Variants in SLIT3 observed in about 807,000 individuals in gnomAD.
The protein encoded by SLIT3 is slit guidance ligand 3, also known as slit homolog 3 protein.
Under a neutral mutation model 184.0 loss-of-function variants are expected in SLIT3, and 68 were observed. The ratio of observed to expected loss-of-function variants is 0.37; its 90% CI spans 0.30 to 0.45. The LOEUF (loss-of-function observed/expected upper bound fraction) is 0.45. SLIT3 is among the 20% of genes least tolerant of loss of function. The pLI is 1.00. For synonymous variants in SLIT3, 831 were observed against 828.6 expected (o/e 1.00, Z -0.05); for missense variants, 1,707 against 2,026.0 (o/e 0.84, Z 3.02).
chr5:169,039,317 GT>G (rs201685130), intron 4 of SLIT3, among the ~76,000 whole-genome samples: 3,996 of 131,742 alleles, frequency 0.03, 132 homozygotes, highest in African/African-American at 0.097. Flanking sequence ...TTTTTTTTGT[GT>G]TTTTTTTTTT....
intron 20 of SLIT3, among the ~76,000 whole-genome samples, chr5:168,727,378 A>G (rs1007217001): frequency 6.6e-6 from 1 of 152,172 alleles, no homozygotes; most frequent in Non-Finnish European, 1.5e-5. Flanking sequence ...ATATTTTCAG[A>G]TGAGGATTGG....
chr5:168,684,116 C>A lies in SLIT3; in HGVS notation c.3556-20G>T. 6.4e-7 allele frequency: 1 copy of A among 1,563,944 alleles called. No individual in the cohort carries two copies. Among genetic ancestry groups the A allele is most frequent in the African/African-American group, 1.4e-5 (1 of 73,354 alleles). On this transcript the variant is annotated intron_variant, in intron 31 of 35. Transcript: ENST00000519560. ...GGCCACCTGGAGAAAGCAGCCGGGGCGTGTTAGTAAGGGCTTACCTGAGAC... is the reference window on the plus strand; with the variant it reads ...GGCCACCTGGAGAAAGCAGCCGGGGAGTGTTAGTAAGGGCTTACCTGAGAC...
intron 4 of SLIT3, chr5:169,036,494 A>G (rs1327827661): frequency 6.6e-6 from 1 of 152,202 alleles, no homozygotes; most frequent in Non-Finnish European, 1.5e-5. Context: ...CTCAATATAA[A>G]GCAGTGGAAA....
At chr5:168,988,713 C>T (rs148229320) in intron 4 of SLIT3, among the ~76,000 whole-genome samples, 1 of 152,282 alleles carries the variant, frequency 6.6e-6, no homozygotes, top group Non-Finnish European at 1.5e-5. Flanking sequence ...TTAAATTTCA[C>T]CTGGATGGAA....
Position 169,200,268 on chromosome 5 carries a change from G to A in SLIT3, c.342-6718C>T, listed in dbSNP as rs1306903304. Among the ~76,000 whole-genome samples the A allele has an allele frequency of 2.0e-5, 3 of 152,330 alleles. No individual in the cohort carries two copies. In the East Asian group the frequency reaches 5.8e-4, roughly 29 times the overall value. ...GGCTGTCAGCTGCCCAATCAGGCCC[G>A]AGGGAGGAAGAAAGTCAAAGTGTGC... On this transcript the variant is annotated intron_variant, in intron 3 of 35. Coordinates refer to ENST00000519560, the MANE Select transcript of SLIT3 (RefSeq NM_003062.4).
chr5:169,196,307 G>A (rs914974921), intron 3 of SLIT3, among the ~76,000 whole-genome samples: 13 of 152,192 alleles, frequency 8.5e-5, no homozygotes, highest in Admixed American at 1.3e-4. Context: ...GGGATTCACC[G>A]GGGCTGGGCA....
intron 4 of SLIT3, among the ~76,000 whole-genome samples, chr5:169,062,106 C>T (rs1004956093): frequency 1.3e-5 from 2 of 152,132 alleles, no homozygotes; most frequent in Non-Finnish European, 2.9e-5. Context: ...ATGGTGTGAA[C>T]CCAGGAGGCA....
At chr5:168,907,898 A>T (rs145300404) in intron 4 of SLIT3, among the ~76,000 whole-genome samples, 2 of 41,114 alleles carry the variant, frequency 4.9e-5, no homozygotes, top group Admixed American at 2.4e-4. Flanking sequence ...TATATATCAT[A>T]TATATATAGA....
intron 20 of SLIT3, among the ~76,000 whole-genome samples, chr5:168,732,057 A>G (rs1763305198): frequency 6.6e-6 from 1 of 152,122 alleles, no homozygotes; most frequent in Admixed American, 6.5e-5. Context: ...TAAATACTTG[A>G]CCAAAAAACT....
chr5:168,973,026 T>C (rs191614795), intron 4 of SLIT3, among the ~76,000 whole-genome samples: 1 of 152,214 alleles, frequency 6.6e-6, no homozygotes, highest in South Asian at 2.1e-4. Context: ...TTTCCTTAGA[T>C]GACCTCTGAA....
chr5:168,806,330 T>C, intron 9 of SLIT3, 116 bp downstream of exon 9: 1 of 1,150,304 alleles, frequency 8.7e-7, no homozygotes, highest in Non-Finnish European at 1.3e-6. Flanking sequence ...TCCTGAGTGT[T>C]TTTAATGGTC....
chr5:169,033,739 C>T (rs7706724), intron 4 of SLIT3, among the ~76,000 whole-genome samples: 14,317 of 151,188 alleles, frequency 0.095, 1,076 homozygotes, highest in African/African-American at 0.21. Context: ...TGCATATTCT[C>T]TGTAGAAATG....
chr5:169,037,131 C>CA (rs1757283000), intron 4 of SLIT3, among the ~76,000 whole-genome samples: 3 of 106,532 alleles, frequency 2.8e-5, no homozygotes, highest in African/African-American at 1.4e-4. Context: ...TAGTCTCATT[C>CA]GTGCCTCTAA....
intron 4 of SLIT3, among the ~76,000 whole-genome samples, chr5:169,061,700 A>G (rs1269266770): frequency 6.6e-6 from 1 of 152,240 alleles, no homozygotes. Flanking sequence ...GCAAGGATGC[A>G]TGAGGGCCTG....
At chr5:168,724,591 T>C (rs1262641115) in intron 20 of SLIT3, 107 bp from the exon 21 acceptor site, 2 of 702,562 alleles carry the variant, frequency 2.8e-6, no homozygotes, top group East Asian at 2.7e-5. Flanking sequence ...GTCCCTCTTT[T>C]ACTCTTAGAG....
chr5:168,726,337 GTGGAGAGGGAGGCAGGGA>G (rs745328925), intron 20 of SLIT3, among the ~76,000 whole-genome samples: 21,938 of 127,726 alleles, frequency 0.17, 2,402 homozygotes, highest in East Asian at 0.4. Flanking sequence ...TCAAATATAG[GTGGAGAGGGAGGCAGGGA>G]GGGAGAGGGA....
chr5:168,953,023 A>G (rs976502868), intron 4 of SLIT3, among the ~76,000 whole-genome samples: 18 of 152,178 alleles, frequency 1.2e-4, no homozygotes, highest in Non-Finnish European at 8.8e-5. Flanking sequence ...GAGACCAGAC[A>G]TCACCTGGGG....
chr5:168,924,508 ATG>A (rs35121067), intron 4 of SLIT3, among the ~76,000 whole-genome samples: 27,065 of 141,314 alleles, frequency 0.19, 2,566 homozygotes, highest in Middle Eastern at 0.22. Flanking sequence ...GTGTGTGTGT[ATG>A]TGTGTGTGTG....
intron 20 of SLIT3, among the ~76,000 whole-genome samples, chr5:168,735,663 C>CACACAT (rs1387062326): frequency 1.1e-3 from 44 of 40,418 alleles, no homozygotes; most frequent in African/African-American, 6.0e-3. Context: ...CAGATAGATA[C>CACACAT]ACACACACAC....
Sources: allele counts gnomAD v4.1 joint callset (sites outside exome capture counted in the v4.1 genomes callset), GRCh38; gene constraint gnomAD v4.1.1; transcripts MANE v1.5; gene names NCBI Gene and HGNC (gene_info 2026-07-23, HGNC 2026-07-21).